The following SLC35F3 variants were observed in gnomAD, a reference collection of about 807,000 sequenced individuals.
SLC35F3 encodes the protein solute carrier family 35 member F3.
SLC35F3 carries 25 observed loss-of-function variants against 49.9 expected under a neutral mutation model. That is an observed-to-expected ratio of 0.50 (90% confidence interval 0.37 to 0.70). The LOEUF (loss-of-function observed/expected upper bound fraction) is 0.70. Ranked by LOEUF, SLC35F3 falls within the 30% of genes least tolerant of loss-of-function variation. SLC35F3 has a pLI of 0.00. For synonymous variants in SLC35F3, 275 were observed against 265.4 expected, an observed-to-expected ratio of 1.04 and a Z score of -0.35; for missense variants, 525 against 639.8, an observed-to-expected ratio of 0.82 and a Z score of 1.94.
chr1:234,151,151 A>T (rs1184744302), intron 2 of SLC35F3, among the ~76,000 whole-genome samples: 4 of 152,124 alleles, frequency 2.6e-5, no homozygotes, highest in African/African-American at 9.7e-5. Flanking sequence ...ATTGAGCAGG[A>T]TGGGGACAAA....
intron 2 of SLC35F3, among the ~76,000 whole-genome samples, chr1:234,211,877 A>C (rs530115922): frequency 6.6e-6 from 1 of 152,296 alleles, no homozygotes; most frequent in South Asian, 2.1e-4. Context: ...CAGGGGTAGA[A>C]TGATATGGTT....
At chr1:234,128,652 G>T (rs2067794) in intron 2 of SLC35F3, among the ~76,000 whole-genome samples, 10,627 of 152,254 alleles carry the variant, frequency 0.07, 484 homozygotes, top group African/African-American at 0.12. Flanking sequence ...GGCATTCCAG[G>T]CCAAGGAAAG....
At chr1:234,103,603 T>C (rs934906026) in intron 2 of SLC35F3, among the ~76,000 whole-genome samples, 3 of 152,218 alleles carry the variant, frequency 2.0e-5, no homozygotes, top group African/African-American at 4.8e-5. Context: ...GTAGCTCTTA[T>C]AATGATTCAG....
intron 2 of SLC35F3, among the ~76,000 whole-genome samples, chr1:234,031,974 C>T (rs1287690258): frequency 1.3e-5 from 2 of 152,126 alleles, no homozygotes; most frequent in Non-Finnish European, 2.9e-5. Flanking sequence ...AAAACAACAG[C>T]CCACTGCACC....
At chr1:234,097,554 G>C (rs997161859) in intron 2 of SLC35F3, among the ~76,000 whole-genome samples, 1 of 151,986 alleles carries the variant, frequency 6.6e-6, no homozygotes, top group Non-Finnish European at 1.5e-5. Flanking sequence ...GCACACACAC[G>C]CACACACGCA....
intron 4 of SLC35F3, among the ~76,000 whole-genome samples, chr1:234,309,737 G>T (rs4391698): frequency 1.3e-5 from 2 of 152,208 alleles, no homozygotes; most frequent in Non-Finnish European, 2.9e-5. Context: ...CTCGGGTGAG[G>T]ATGTGCGTGA....
intron 2 of SLC35F3, among the ~76,000 whole-genome samples, chr1:233,913,514 G>C (rs1165243797): frequency 1.3e-5 from 2 of 152,206 alleles, no homozygotes; most frequent in Non-Finnish European, 2.9e-5. Context: ...GGCAGGGCTT[G>C]TTATTGTGTC....
At chr1:234,242,404 G>A (rs115384131) in intron 3 of SLC35F3, among the ~76,000 whole-genome samples, 172 of 152,336 alleles carry the variant, frequency 1.1e-3, no homozygotes, top group African/African-American at 3.8e-3. Context: ...CCCATTCAAA[G>A]AGAGGTTCCA....
At chr1:234,298,620 G>A (rs1014415402) in intron 3 of SLC35F3, among the ~76,000 whole-genome samples, 8 of 152,066 alleles carry the variant, frequency 5.3e-5, no homozygotes, top group African/African-American at 1.9e-4. Context: ...GTAAATTTCT[G>A]TGCCCCATTC....
intron 2 of SLC35F3, among the ~76,000 whole-genome samples, chr1:234,124,992 G>A (rs1272251695): frequency 6.6e-6 from 1 of 152,154 alleles, no homozygotes; most frequent in Non-Finnish European, 1.5e-5. Context: ...TGATCATCTG[G>A]TGATCTTCAA....
chr1:233,909,675 A>G (rs1045118699), intron 2 of SLC35F3, among the ~76,000 whole-genome samples: 14 of 152,198 alleles, frequency 9.2e-5, no homozygotes, highest in Non-Finnish European at 1.6e-4. Context: ...TTTGTGCTGT[A>G]TAAGTATTTG....
intron 2 of SLC35F3, among the ~76,000 whole-genome samples, chr1:234,033,627 G>C (rs1397973749): frequency 1.3e-5 from 2 of 152,034 alleles, no homozygotes; most frequent in Non-Finnish European, 2.9e-5. Context: ...TTCCCCACTT[G>C]GTGTTTTTGT....
At chr1:233,906,592 A>C (rs537991839) in intron 2 of SLC35F3, among the ~76,000 whole-genome samples, 2 of 152,332 alleles carry the variant, frequency 1.3e-5, no homozygotes, top group East Asian at 3.9e-4. Flanking sequence ...TTGCCACCTC[A>C]GTCCGTATGA....
At chr1:234,076,253 C>T (rs1342910010) in intron 2 of SLC35F3, among the ~76,000 whole-genome samples, 3 of 149,826 alleles carry the variant, frequency 2.0e-5, no homozygotes, top group Non-Finnish European at 4.4e-5. Context: ...AAGGTGACAG[C>T]CCCATTAATT....
intron 2 of SLC35F3, among the ~76,000 whole-genome samples, chr1:234,048,572 C>A (rs2102856279): frequency 1.3e-5 from 2 of 152,348 alleles, no homozygotes; most frequent in African/African-American, 4.8e-5. Context: ...TGGGTCAAAA[C>A]TGCCTCTACC....
At chr1:234,077,029 G>A (rs967351471) in intron 2 of SLC35F3, among the ~76,000 whole-genome samples, 3 of 131,558 alleles carry the variant, frequency 2.3e-5, no homozygotes, top group African/African-American at 8.7e-5. Flanking sequence ...ACGGAGTCTC[G>A]CTCTGTCGCC....
chr1:233,918,154 TC>T (rs1225548182), intron 2 of SLC35F3, among the ~76,000 whole-genome samples: 1 of 152,258 alleles, frequency 6.6e-6, no homozygotes, highest in East Asian at 1.9e-4. Context: ...AGGCTGTGCC[TC>T]TTTGGAACAG....
chr1:234,075,131 G>A (rs1302223799), intron 2 of SLC35F3, among the ~76,000 whole-genome samples: 2 of 152,234 alleles, frequency 1.3e-5, no homozygotes, highest in Non-Finnish European at 2.9e-5. Flanking sequence ...CAGTGAAAGA[G>A]AAATTGAGAA....
intron 2 of SLC35F3, among the ~76,000 whole-genome samples, chr1:234,163,893 G>T (rs147702594): frequency 6.6e-6 from 1 of 152,000 alleles, no homozygotes; most frequent in East Asian, 1.9e-4. Flanking sequence ...GCTCAGTGCC[G>T]AGGAGTGAAA....
Sources: allele counts gnomAD v4.1 joint callset (sites outside exome capture counted in the v4.1 genomes callset), GRCh38; gene constraint gnomAD v4.1.1; transcripts MANE v1.5; gene names NCBI Gene and HGNC (gene_info 2026-07-23, HGNC 2026-07-21).